Variants in TNFSF4 observed in about 807,000 individuals in gnomAD.
The protein encoded by TNFSF4 is tumor necrosis factor ligand superfamily member 4.
In TNFSF4, 4 loss-of-function variants were observed where a neutral mutation model predicts 7.3. That is an observed-to-expected ratio of 0.55 (90% confidence interval 0.27 to 1.25). The LOEUF (loss-of-function observed/expected upper bound fraction) is 1.25. Among genes scored for constraint, TNFSF4 ranks in the 50% most tolerant of loss-of-function variants. The probability of loss-of-function intolerance (pLI) is 0.12; values close to 1 mark genes in which losing one functional copy is unlikely to be tolerated. For missense variants in TNFSF4, 181 were observed against 208.8 expected, an observed-to-expected ratio of 0.87 and a Z score of 0.82; for synonymous variants, 76 against 83.7, an observed-to-expected ratio of 0.91 and a Z score of 0.50.
chr1:173,204,245 A>G (rs561494140), intron 1 of TNFSF4, among the ~76,000 whole-genome samples: 25 of 152,316 alleles, frequency 1.6e-4, no homozygotes, highest in African/African-American at 6.0e-4. Context: ...TACTCATAAG[A>G]TATTGAGCTG....
the TNFSF4 span, among the ~76,000 whole-genome samples, chr1:173,224,653 A>G: frequency 6.6e-6 from 1 of 152,210 alleles, no homozygotes; most frequent in African/African-American, 2.4e-5. Context: ...GAGGTTAGAC[A>G]CTAGTAAGCA....
At chr1:173,248,291 A>T in the TNFSF4 span, among the ~76,000 whole-genome samples, 1 of 151,956 alleles carries the variant, frequency 6.6e-6, no homozygotes, top group Non-Finnish European at 1.5e-5. Context: ...TGGGAGGCGG[A>T]GGTTACAGTG....
At chr1:173,196,957 C>T (rs1250707285) in intron 1 of TNFSF4, among the ~76,000 whole-genome samples, 1 of 152,188 alleles carries the variant, frequency 6.6e-6, no homozygotes, top group Non-Finnish European at 1.5e-5. Flanking sequence ...TACCCACTGC[C>T]TTGCCATACC....
intron 1 of TNFSF4, among the ~76,000 whole-genome samples, chr1:173,193,701 G>A (rs1319322859): frequency 6.7e-6 from 1 of 149,124 alleles, no homozygotes; most frequent in Non-Finnish European, 1.5e-5. Context: ...ACCTCATCAT[G>A]AGAAAGAAAA....
chr1:173,309,007 T>C, the TNFSF4 span, among the ~76,000 whole-genome samples: 35 of 152,082 alleles, frequency 2.3e-4, no homozygotes, highest in South Asian at 2.9e-3. Context: ...AGAAGGACCA[T>C]AGACTCCATC....
chr1:173,192,238 C>G (rs891278019), intron 1 of TNFSF4, among the ~76,000 whole-genome samples: 1 of 152,200 alleles, frequency 6.6e-6, no homozygotes, highest in Non-Finnish European at 1.5e-5. Context: ...TATTCCCATA[C>G]AAGTATTTAA....
intron 1 of TNFSF4, chr1:173,205,446 T>C (rs949478079): frequency 3.0e-4 from 468 of 1,564,482 alleles, no homozygotes; most frequent in Non-Finnish European, 2.9e-4. Context: ...GATAGTCCAA[T>C]GTGACCCCAA....
At chr1:173,405,034 C>T in the TNFSF4 span, among the ~76,000 whole-genome samples, 3 of 152,198 alleles carry the variant, frequency 2.0e-5, no homozygotes, top group African/African-American at 7.2e-5. Flanking sequence ...CACATTCTAA[C>T]ATGCTATATA....
At chr1:173,368,812 G>C in the TNFSF4 span, among the ~76,000 whole-genome samples, 4 of 152,146 alleles carry the variant, frequency 2.6e-5, no homozygotes, top group Non-Finnish European at 5.9e-5. Flanking sequence ...CCTAGGTCCT[G>C]ATGCCTGTCA....
At chr1:173,300,030 A>ATTT in the TNFSF4 span, among the ~76,000 whole-genome samples, 1 of 151,790 alleles carries the variant, frequency 6.6e-6, no homozygotes, top group Admixed American at 6.6e-5. Context: ...TTATGAGTTC[A>ATTT]ATAAATCAGG....
At chr1:173,189,298 T>G (rs1311411710) in intron 1 of TNFSF4, among the ~76,000 whole-genome samples, 1 of 152,200 alleles carries the variant, frequency 6.6e-6, no homozygotes, top group Non-Finnish European at 1.5e-5. Flanking sequence ...CAATCCATCA[T>G]GGCCACAGAC....
the TNFSF4 span, among the ~76,000 whole-genome samples, chr1:173,292,232 C>A: frequency 6.6e-6 from 1 of 152,086 alleles, no homozygotes; most frequent in Non-Finnish European, 1.5e-5. Context: ...CAAAAATCTT[C>A]AACAAAATAC....
the TNFSF4 span, among the ~76,000 whole-genome samples, chr1:173,256,619 C>T: frequency 6.6e-6 from 1 of 152,126 alleles, no homozygotes; most frequent in Admixed American, 6.5e-5. Context: ...ACTTTCACAG[C>T]CTGATGTAGA....
At chr1:173,279,114 C>T in the TNFSF4 span, among the ~76,000 whole-genome samples, 1 of 152,050 alleles carries the variant, frequency 6.6e-6, no homozygotes, top group Non-Finnish European at 1.5e-5. Context: ...CTAGTTTCCC[C>T]TAGGACATTG....
At chr1:173,307,497 G>C in the TNFSF4 span, among the ~76,000 whole-genome samples, 1 of 151,912 alleles carries the variant, frequency 6.6e-6, no homozygotes, top group Admixed American at 6.6e-5. Flanking sequence ...TCCTGGAATG[G>C]ATTCTGGCTT....
At chr1:173,419,359 A>C in the TNFSF4 span, among the ~76,000 whole-genome samples, 8 of 150,408 alleles carry the variant, frequency 5.3e-5, no homozygotes, top group Admixed American at 1.3e-4. Flanking sequence ...AAAAAAAAAA[A>C]GAAGAGTTAG....
chr1:173,246,721 C>G, the TNFSF4 span, among the ~76,000 whole-genome samples: 1 of 152,084 alleles, frequency 6.6e-6, no homozygotes, highest in Non-Finnish European at 1.5e-5. Context: ...TTTTTCCTCT[C>G]AGATCTTAAT....
chr1:173,415,723 G>A, the TNFSF4 span, among the ~76,000 whole-genome samples: 1 of 152,202 alleles, frequency 6.6e-6, no homozygotes, highest in African/African-American at 2.4e-5. Context: ...TCCCTCACAG[G>A]TGCAAGTAAG....
chr1:173,300,160 GATACATACATACATACATAC>G, the TNFSF4 span, among the ~76,000 whole-genome samples: 5 of 146,908 alleles, frequency 3.4e-5, no homozygotes, highest in African/African-American at 7.6e-5. Context: ...ATGATTGATA[GATACATACATACATACATAC>G]ATACATACAT....
Sources: allele counts gnomAD v4.1 joint callset (sites outside exome capture counted in the v4.1 genomes callset), GRCh38; gene constraint gnomAD v4.1.1; transcripts MANE v1.5; gene names NCBI Gene and HGNC (gene_info 2026-07-23, HGNC 2026-07-21).